The following EGLN3 variants were observed in gnomAD, a reference collection of about 807,000 sequenced individuals.
EGLN3 encodes egl-9 family hypoxia inducible factor 3.
In EGLN3, 15 loss-of-function variants were observed where a neutral mutation model predicts 26.0. That is an observed-to-expected ratio of 0.58 (90% CI 0.39 to 0.89). The LOEUF is 0.89. EGLN3 is among the 40% of genes least tolerant of loss of function. EGLN3 has a pLI of 0.00. For synonymous variants in EGLN3, 147 were observed against 127.2 expected, an observed-to-expected ratio of 1.16 and a Z score of -1.05; for missense variants, 238 against 311.6, an observed-to-expected ratio of 0.76 and a Z score of 1.78.
chr14:33,943,242 C>T (rs2064495581), intron 1 of EGLN3, among the ~76,000 whole-genome samples: 1 of 152,206 alleles, frequency 6.6e-6, no homozygotes, highest in Non-Finnish European at 1.5e-5. Flanking sequence ...TCAACGGCTC[C>T]TGGCAATCTG....
intron 1 of EGLN3, among the ~76,000 whole-genome samples, chr14:33,933,701 A>G (rs549817638): frequency 1.3e-5 from 2 of 152,226 alleles, no homozygotes; most frequent in African/African-American, 4.8e-5. Context: ...CAGGGTCTAA[A>G]ACCATGAGGC....
chr14:33,950,559 C>A lies in EGLN3; in HGVS notation c.194G>T (p.Arg65Leu), dbSNP rs760753145. The stretch of plus-strand genomic sequence containing the variant: ...CAGGTGTCGCTTGGAGACGCCGGCG[C>A]GCGGCCCCGCCAGCTGGCCGTCCCG... Reference protein sequence around the residue: ...ALRDGQLAGPRAGVSKRHLRG... With the variant: ...ALRDGQLAGPLAGVSKRHLRG... Residue 65 changes from arginine to leucine, a missense_variant, in exon 1 of 5, where the codon CGC (arginine) becomes CTC (leucine). Arg to Leu is a moderately radical substitution (Grantham distance 102). Coordinates refer to ENST00000250457, the MANE Select transcript of EGLN3 (RefSeq NM_022073.4). The A allele has an allele frequency of 1.2e-5, 20 of 1,611,760 alleles. No individual in the cohort carries two copies. Among genetic ancestry groups the A allele is most frequent in the Non-Finnish European group, 1.4e-5 (17 of 1,178,996 alleles).
chr14:33,930,993 A>G (rs1334901680), intron 2 of EGLN3, 103 bp downstream of exon 2: 1 of 1,474,274 alleles, frequency 6.8e-7, no homozygotes, highest in Non-Finnish European at 9.2e-7. Flanking sequence ...CATCAGTGGG[A>G]GATACGGCAA....
chr14:33,928,966 A>T (rs1200264765), intron 3 of EGLN3, 110 bp downstream of exon 3: 1 of 1,355,460 alleles, frequency 7.4e-7, no homozygotes. Context: ...GCTATCAGCT[A>T]TGGGGTGTGG....
chr14:33,931,243 T>TAA (rs1255059337), intron 1 of EGLN3, 28 bp from the exon 2 acceptor site: 1 of 1,613,986 alleles, frequency 6.2e-7, no homozygotes, highest in Non-Finnish European at 8.5e-7. Flanking sequence ...GAAAGCTGGT[T>TAA]AACAAAGCTG....
intron 4 of EGLN3, 89 bp from the exon 5 acceptor site, chr14:33,926,011 T>A: frequency 7.7e-7 from 1 of 1,291,424 alleles, no homozygotes; most frequent in Non-Finnish European, 1.1e-6. Flanking sequence ...AAGCCTCCAG[T>A]AAACACTTCC....
chr14:33,928,087 A>G (rs1169080336), intron 3 of EGLN3, among the ~76,000 whole-genome samples: 1 of 152,128 alleles, frequency 6.6e-6, no homozygotes, highest in Non-Finnish European at 1.5e-5. Context: ...AGTCATCATG[A>G]GATTGGGGAA....
chr14:33,940,660 A>G (rs1159420603), intron 1 of EGLN3, among the ~76,000 whole-genome samples: 4 of 152,132 alleles, frequency 2.6e-5, no homozygotes, highest in Non-Finnish European at 5.9e-5. Flanking sequence ...CAGGGACCAC[A>G]GAGAACCACA....
intron 1 of EGLN3, among the ~76,000 whole-genome samples, chr14:33,943,685 C>G (rs1001284832): frequency 6.6e-6 from 1 of 152,172 alleles, no homozygotes; most frequent in African/African-American, 2.4e-5. Flanking sequence ...AAGCTTTATC[C>G]GGAAGTACAC....
chr14:33,937,878 G>T (rs1321571468), intron 1 of EGLN3, among the ~76,000 whole-genome samples: 1 of 152,194 alleles, frequency 6.6e-6, no homozygotes, highest in Non-Finnish European at 1.5e-5. Flanking sequence ...ACTCTCGGTT[G>T]CTCTAGTGAA....
chr14:33,949,330 G>A (rs1219566945), intron 1 of EGLN3: 1 of 152,178 alleles, frequency 6.6e-6, no homozygotes, highest in Admixed American at 6.5e-5. Context: ...TCAGTCTTGA[G>A]ACTGATTTGA....
At chr14:33,947,316 A>G (rs979697058) in intron 1 of EGLN3, among the ~76,000 whole-genome samples, 1 of 152,312 alleles carries the variant, frequency 6.6e-6, no homozygotes, top group South Asian at 2.1e-4. Context: ...ACAGCTGTAC[A>G]TTACAGGAAC....
In EGLN3 at chr14:33,925,739, G is replaced by A. The variant is rs2064357479; in HGVS notation, c.*152C>T. The A allele has an allele frequency of 6.1e-6, 5 of 815,420 alleles. No individual in the cohort carries two copies. In the Admixed American group the frequency reaches 1.3e-4, roughly 21 times the overall value. 50.5% of individuals were successfully genotyped at this position (815,420 alleles called of 1,614,324 possible). A position where few individuals can be genotyped will look rare whatever the true frequency, so the allele number is the denominator to read the frequency against. On this transcript the variant is annotated 3_prime_UTR_variant, in exon 5 of 5. Transcript: ENST00000250457. Reference sequence around the variant, plus strand: ...CAACACAGTCTTGGCAAGAAAACATGAAGTACCACACACAAGACAGGGATG... The same window carrying A: ...CAACACAGTCTTGGCAAGAAAACATAAAGTACCACACACAAGACAGGGATG...
intron 1 of EGLN3, among the ~76,000 whole-genome samples, chr14:33,940,384 T>G (rs894591081): frequency 3.2e-4 from 46 of 145,416 alleles, no homozygotes; most frequent in Non-Finnish European, 7.6e-5. Flanking sequence ...TCGTTTTTTG[T>G]TTTTTTTTTT....
chr14:33,945,462 G>A (rs2064511368), intron 1 of EGLN3, among the ~76,000 whole-genome samples: 1 of 152,176 alleles, frequency 6.6e-6, no homozygotes, highest in Non-Finnish European at 1.5e-5. Context: ...TCTCCCAGGC[G>A]ATGAAAACAG....
chr14:33,945,212 T>C (rs1566601491), intron 1 of EGLN3, among the ~76,000 whole-genome samples: 1 of 152,192 alleles, frequency 6.6e-6, no homozygotes, highest in African/African-American at 2.4e-5. Context: ...ATTCACAGTG[T>C]TCCAGAGCTT....
chr14:33,946,804 G>A (rs948201637), intron 1 of EGLN3, among the ~76,000 whole-genome samples: 3 of 152,122 alleles, frequency 2.0e-5, no homozygotes, highest in Non-Finnish European at 2.9e-5. Flanking sequence ...ACAGCTTTAC[G>A]GCATTATTTC....
intron 1 of EGLN3, among the ~76,000 whole-genome samples, chr14:33,939,473 G>A (rs1484141459): frequency 6.6e-6 from 1 of 151,892 alleles, no homozygotes; most frequent in African/African-American, 2.4e-5. Flanking sequence ...GCCGCCCAAA[G>A]TGCTGGGATT....
At chr14:33,948,576 G>T (rs948925803) in intron 1 of EGLN3, 6 of 152,286 alleles carry the variant, frequency 3.9e-5, no homozygotes, top group Middle Eastern at 6.8e-3. Flanking sequence ...TAAAATTGAT[G>T]AATCATATCT....
Sources: allele counts gnomAD v4.1 joint callset (sites outside exome capture counted in the v4.1 genomes callset), GRCh38; gene constraint gnomAD v4.1.1; transcripts MANE v1.5; gene names NCBI Gene and HGNC (gene_info 2026-07-23, HGNC 2026-07-21).